MAPT: variants seen among roughly 807,000 people sequenced by gnomAD.
MAPT encodes microtubule-associated protein tau.
MAPT carries 34 observed loss-of-function variants against 67.9 expected under a neutral mutation model. The observed-to-expected ratio is 0.50, with a 90% CI of 0.38 to 0.67. The LOEUF (loss-of-function observed/expected upper bound fraction) is 0.67. MAPT is among the 30% of genes least tolerant of loss of function. The probability of loss-of-function intolerance (pLI) is 0.00; values close to 1 mark genes in which losing one functional copy is unlikely to be tolerated. For missense variants in MAPT, 881 were observed against 1,115.2 expected (o/e 0.79, Z 2.99); for synonymous variants, 456 against 464.5 (o/e 0.98, Z 0.23).
rs1402384456 is a variant in MAPT, at chr17:45,894,581, C to G, written c.-123C>G. ...AGTCACCGCCACCCACCAGCTCCGG[C>G]ACCAACAGCAGCGCCGCTGCCACCG... is the stretch of plus-strand genomic sequence containing the variant. On this transcript the variant is annotated 5_prime_UTR_variant, in exon 1 of 13. Transcript: ENST00000262410. The G allele has an allele frequency of 6.5e-6, 1 of 154,372 alleles. No individual in the cohort carries two copies. The highest frequency in any genetic ancestry group is 1.4e-5 in the Non-Finnish European group (1 of 69,690). The allele number at this position is 154,372 out of a possible 1,614,324, so 9.6% of individuals were successfully genotyped here. A position where few individuals can be genotyped will look rare whatever the true frequency, so the allele number is the denominator to read the frequency against.
chr17:46,026,748 G>A lies in MAPT; in HGVS notation c.*2577G>A, dbSNP rs2076820659. 6.6e-6 allele frequency: 1 copy of A among 152,404 alleles called. No individual in the cohort carries two copies. The highest frequency in any genetic ancestry group is 1.5e-5 in the Non-Finnish European group (1 of 68,186). 9.4% of individuals were successfully genotyped at this position (152,404 alleles called of 1,614,324 possible). A position where few individuals can be genotyped will look rare whatever the true frequency, so the allele number is the denominator to read the frequency against. The stretch of plus-strand genomic sequence containing the variant: ...CAGGAGACACTGTTCCCAAAGCCTT[G>A]ACCAGAGCACCTCAGCCCGCTGACC... On this transcript the variant is annotated 3_prime_UTR_variant, in exon 13 of 13. Transcript: ENST00000262410.
At chr17:45,985,159 G>T (rs1453669487) in intron 5 of MAPT, among the ~76,000 whole-genome samples, 1 of 152,096 alleles carries the variant, frequency 6.6e-6, no homozygotes, top group East Asian at 1.9e-4. Context: ...CAAAAAATTA[G>T]CTGGGCGTGG....
At chr17:45,926,360 G>GT (rs748104787) in intron 1 of MAPT, among the ~76,000 whole-genome samples, 8 of 151,950 alleles carry the variant, frequency 5.3e-5, no homozygotes, top group Non-Finnish European at 1.0e-4. Context: ...CCAGGCTGGA[G>GT]TACAGTGGCG....
At chr17:45,929,208 A>T (rs2066633180) in intron 1 of MAPT, among the ~76,000 whole-genome samples, 1 of 152,198 alleles carries the variant, frequency 6.6e-6, no homozygotes, top group African/African-American at 2.4e-5. Flanking sequence ...ATGAAATTTC[A>T]TGTTTCATTT....
At position 45,999,838 on chromosome 17, in the gene MAPT, G is replaced by A. The variant is rs2074848455; in HGVS notation, c.1998+3174G>A. ...GACACAGTCACAGCCTCCCTTAAAT[G>A]CCAGGAAAGCCTAGAAAAATTGTCT... On this transcript the variant is annotated intron_variant, in intron 9 of 12. Transcript: ENST00000262410. 3 of 602,878 alleles carry A rather than the reference G, an allele frequency of 5.0e-6. No homozygotes were observed. In the South Asian group the frequency reaches 7.3e-5, roughly 15 times the overall value. The allele number at this position is 602,878 out of a possible 1,614,324, so 37.3% of individuals were successfully genotyped here.
chr17:45,936,593 A>G (rs1452456782), intron 1 of MAPT, among the ~76,000 whole-genome samples: 1 of 147,394 alleles, frequency 6.8e-6, no homozygotes, highest in Non-Finnish European at 1.5e-5. Context: ...TTGGGAGTCT[A>G]GTTTTTTTGT....
At position 45,991,461 on chromosome 17, in the gene MAPT, G is replaced by C; in HGVS notation, c.1607G>C (p.Gly536Ala). The C allele has an allele frequency of 6.2e-7, 1 of 1,614,196 alleles. No homozygotes were observed. ...SSGAKEMKLK[G>A]ADGKTKIATP... The stretch of plus-strand genomic sequence containing the variant: ...CCCTCTATCATGTTTCATTTACAGG[G>C]GGCTGATGGTAAAACGAAGATCGCC... Residue 536 changes from glycine to alanine, a missense_variant and splice_region_variant, in exon 8 of 13, where the codon GGG (glycine) becomes GCG (alanine). Gly to Ala is a moderately conservative substitution (Grantham distance 60, BLOSUM62 0). Around this residue, in one of 6 missense-constraint regions of MAPT, gnomAD observed 687 missense variants for 766.1 expected, o/e 0.90. Transcript: ENST00000262410.
intron 1 of MAPT, among the ~76,000 whole-genome samples, chr17:45,937,733 A>G (rs2067479024): frequency 6.6e-6 from 1 of 152,088 alleles, no homozygotes; most frequent in South Asian, 2.1e-4. Flanking sequence ...CAACCAGATA[A>G]CACATGCTCT....
In MAPT at chr17:46,023,981, G is replaced by A. The variant is rs1568347450; in HGVS notation, c.2312G>A (p.Arg771His). 4 of 1,614,000 alleles carry A rather than the reference G, an allele frequency of 2.5e-6. No individual in the cohort carries two copies. Among genetic ancestry groups the A allele is most frequent in the East Asian group, 2.2e-5 (1 of 44,898 alleles). Residue 771 changes from arginine (R) to histidine (H), a missense_variant, in exon 13 of 13, where the codon CGC (arginine) becomes CAC (histidine). Physicochemically the swap from Arg to His is conservative, Grantham distance 29. This residue lies in a region of MAPT where 79 missense variants were observed against 150.9 expected (regional missense o/e 0.52). Transcript: ENST00000262410. ...ATTGAAACCCACAAGCTGACCTTCC[G>A]CGAGAACGCCAAAGCCAAGACAGAC... ...KKIETHKLTF[R>H]ENAKAKTDHG...
At chr17:45,952,381 C>T (rs2069169566) in intron 1 of MAPT, among the ~76,000 whole-genome samples, 1 of 152,224 alleles carries the variant, frequency 6.6e-6, no homozygotes, top group Admixed American at 6.5e-5. Context: ...AGGCCTCCTG[C>T]TGTCCTGTCA....
intron 9 of MAPT, among the ~76,000 whole-genome samples, chr17:46,003,395 C>T (rs551119938): frequency 1.2e-3 from 176 of 152,304 alleles, no homozygotes; most frequent in African/African-American, 4.2e-3. Context: ...TCTCCTGCCT[C>T]AGCCTCCCTA....
At position 45,915,556 on chromosome 17, in the gene MAPT, T is replaced by C. The variant is rs559561423; in HGVS notation, c.-18+20870T>C. On this transcript the variant is annotated intron_variant, in intron 1 of 12. Coordinates refer to ENST00000262410, the MANE Select transcript of MAPT (RefSeq NM_001377265.1). This position sits in a 1 kb window ranked among gnomAD's most constrained non-coding sequence, Gnocchi z 4.4. ...GGTGTGTGTGAGCATGTGTGTTGTG[T>C]GTGTGGTGCATGTGTGTGGCGTGTG... Among the ~76,000 whole-genome samples, 1 of 151,340 alleles carries C rather than the reference T, an allele frequency of 6.6e-6. No individual in the cohort carries two copies. The highest frequency in any genetic ancestry group is 2.1e-4 in the South Asian group (1 of 4,774).
intron 1 of MAPT, among the ~76,000 whole-genome samples, chr17:45,919,651 T>C (rs1216742152): frequency 6.6e-6 from 1 of 152,236 alleles, no homozygotes; most frequent in Non-Finnish European, 1.5e-5. Flanking sequence ...CTCATGCCTG[T>C]AATCCCGGCA....
intron 1 of MAPT, among the ~76,000 whole-genome samples, chr17:45,954,807 C>T (rs1426632876): frequency 1.1e-4 from 17 of 151,684 alleles, no homozygotes; most frequent in African/African-American, 3.9e-4. Context: ...GGTGAAACCC[C>T]GTCTCTACTA....
At chr17:45,984,273 C>T (rs1172502727) in intron 5 of MAPT, among the ~76,000 whole-genome samples, 3 of 152,194 alleles carry the variant, frequency 2.0e-5, no homozygotes, top group Non-Finnish European at 2.9e-5. Flanking sequence ...GACAGGATGA[C>T]GGGTGCCCTC....
chr17:45,978,057 T>C, intron 3 of MAPT: 1 of 380,992 alleles, frequency 2.6e-6, no homozygotes, highest in East Asian at 5.3e-5. Context: ...AAATTGCTTC[T>C]CTGACCTCAC....
chr17:46,027,719 G>A lies in MAPT; in HGVS notation c.*3548G>A, dbSNP rs1055423117. ...TCTTTTCCACTGACAGGCTTTCCCA[G>A]GCAGCTGGCTAGTTCATTCCCTCCC... On this transcript the variant is annotated 3_prime_UTR_variant, in exon 13 of 13. Coordinates refer to ENST00000262410, the MANE Select transcript of MAPT (RefSeq NM_001377265.1). 11 of 152,304 alleles carry A rather than the reference G, an allele frequency of 7.2e-5. No individual in the cohort carries two copies. The highest frequency in any genetic ancestry group is 2.6e-4 in the African/African-American group (11 of 41,552). 9.4% of individuals were successfully genotyped at this position (152,304 alleles called of 1,614,324 possible). A position where few individuals can be genotyped will look rare whatever the true frequency, so the allele number is the denominator to read the frequency against.
intron 1 of MAPT, among the ~76,000 whole-genome samples, chr17:45,960,732 C>A (rs1208809762): frequency 6.6e-6 from 1 of 151,898 alleles, no homozygotes; most frequent in Non-Finnish European, 1.5e-5. Flanking sequence ...ATGGGAGGAT[C>A]ACTTTAGCCC....
intron 1 of MAPT, among the ~76,000 whole-genome samples, chr17:45,946,796 C>A (rs187761119): frequency 6.6e-4 from 100 of 151,748 alleles, no homozygotes; most frequent in African/African-American, 2.2e-3. Flanking sequence ...AACCCAGAAA[C>A]CTTAGGTCAA....
Sources: gnomAD v4.1 joint callset for allele counts (sites outside exome capture counted in the v4.1 genomes callset) on GRCh38, gnomAD v4.1.1 for gene constraint, gnomAD v4.1.1 regional missense constraint, Gnocchi (gnomAD v3.1) non-coding constraint, MANE v1.5 for transcripts, NCBI Gene and HGNC (gene_info 2026-07-23, HGNC 2026-07-21) for gene names.